Variants in LRRC8D observed in about 807,000 individuals in gnomAD.
LRRC8D encodes volume-regulated anion channel subunit LRRC8D.
In LRRC8D, 20 loss-of-function variants were observed where a neutral mutation model predicts 55.8. That is an observed-to-expected ratio of 0.36 (90% CI 0.25 to 0.52). The LOEUF is 0.52. Ranked by LOEUF, LRRC8D falls within the 20% of genes least tolerant of loss-of-function variation. The probability of loss-of-function intolerance (pLI) is 0.93; values close to 1 mark genes in which losing one functional copy is unlikely to be tolerated. For synonymous variants in LRRC8D, 352 were observed against 377.0 expected, an observed-to-expected ratio of 0.93 and a Z score of 0.77; for missense variants, 651 against 1,030.8, an observed-to-expected ratio of 0.63 and a Z score of 5.05.
intron 1 of LRRC8D, 45 bp from the exon 2 acceptor site, chr1:89,843,593 A>AAAGAGAG: frequency 1.4e-6 from 1 of 690,224 alleles, no homozygotes. Context: ...CGCTGCCGAC[A>AAAGAGAG]CTTGGATCTC....
chr1:89,911,812 A>G lies in LRRC8D; in HGVS notation c.-2-21255A>G, dbSNP rs1406807756. Among the ~76,000 whole-genome samples the G allele has an allele frequency of 1.3e-5, 2 of 152,118 alleles. No homozygotes were observed. Among genetic ancestry groups the G allele is most frequent in the Non-Finnish European group, 1.5e-5 (1 of 68,014 alleles). On this transcript the variant is annotated intron_variant, in intron 2 of 2. Transcript: ENST00000337338. This position sits in a 1 kb window ranked among gnomAD's most constrained non-coding sequence, Gnocchi z 4.0. ...GCGTGACTTGCTTTTGACACCTGCA[A>G]TGCTGCTTACCACTCTCTTCCTGAA...
intron 1 of LRRC8D, among the ~76,000 whole-genome samples, chr1:89,829,896 A>G (rs758131472): frequency 2.6e-5 from 4 of 152,232 alleles, no homozygotes; most frequent in Non-Finnish European, 5.9e-5. Flanking sequence ...TGTAAAGTAC[A>G]TCTTAAGCAC....
intron 2 of LRRC8D, among the ~76,000 whole-genome samples, chr1:89,913,811 C>G (rs1407626572): frequency 5.7e-4 from 86 of 152,186 alleles, no homozygotes; most frequent in Non-Finnish European, 1.5e-5. Flanking sequence ...TAATTTGGGT[C>G]AATTTCCTGG....
In LRRC8D at chr1:89,934,633, A is replaced by T. The variant is rs1663790772; in HGVS notation, c.1565A>T (p.His522Leu). The change falls in exon 3 of 3, where the codon CAC becomes CTC. Residue 522 changes from histidine (H) to leucine (L), a missense_variant. Coordinates refer to ENST00000337338, the MANE Select transcript of LRRC8D (RefSeq NM_001134479.2). The surrounding 1 kb of genome is among the most constrained non-coding windows in gnomAD (Gnocchi z 5.9). Reference protein sequence around the residue: ...MTNLQELHLCHCPAKVEQTAF... With the variant: ...MTNLQELHLCLCPAKVEQTAF... ...AACCTCCAAGAGCTCCACCTCTGCC[A>T]CTGCCCTGCAAAAGTTGAACAGACT... 6.2e-7 allele frequency: 1 copy of T among 1,614,192 alleles called. No homozygotes were observed. The highest frequency in any genetic ancestry group is 1.7e-5 in the Admixed American group (1 of 60,024).
At chr1:89,895,547 T>TG (rs1662685722) in intron 2 of LRRC8D, among the ~76,000 whole-genome samples, 1 of 128,052 alleles carries the variant, frequency 7.8e-6, no homozygotes, top group South Asian at 2.4e-4. Flanking sequence ...TTTAAAGATG[T>TG]ACTGTTTGTT....
At position 89,934,925 on chromosome 1, in the gene LRRC8D, T is replaced by C. The variant is rs1469432480; in HGVS notation, c.1857T>C (p.His619=). ...CACATCTTACAAAGTTAGTCATTCATAATGACGGCACTAAACTCTTGGTAC... is the reference window on the plus strand; with the variant it reads ...CACATCTTACAAAGTTAGTCATTCACAATGACGGCACTAAACTCTTGGTAC... ...VAPHLTKLVI[H]NDGTKLLVLN... is the part of the protein sequence containing the mutation. The change falls in exon 3 of 3, where the codon CAT becomes CAC. Residue 619 remains histidine, a synonymous_variant. Transcript: ENST00000337338. The surrounding 1 kb of genome is among the most constrained non-coding windows in gnomAD (Gnocchi z 5.9). 8 of 1,614,004 alleles carry C rather than the reference T, an allele frequency of 5.0e-6. No homozygotes were observed. Among genetic ancestry groups the C allele is most frequent in the Non-Finnish European group, 6.8e-6 (8 of 1,180,028 alleles).
At chr1:89,904,757 A>G (rs1021810354) in intron 2 of LRRC8D, among the ~76,000 whole-genome samples, 4 of 152,214 alleles carry the variant, frequency 2.6e-5, no homozygotes, top group African/African-American at 4.8e-5. Flanking sequence ...TGCCACTACT[A>G]TTAATTAGCT....
chr1:89,886,051 A>T (rs1662410852), intron 2 of LRRC8D, among the ~76,000 whole-genome samples: 1 of 152,194 alleles, frequency 6.6e-6, no homozygotes, highest in African/African-American at 2.4e-5. Flanking sequence ...AGAAAAGTTA[A>T]GGGGTGAGAG....
At chr1:89,878,120 C>G (rs1308549000) in intron 2 of LRRC8D, among the ~76,000 whole-genome samples, 5 of 152,176 alleles carry the variant, frequency 3.3e-5, no homozygotes, top group African/African-American at 7.2e-5. Context: ...CTTTCATCTT[C>G]AGTATTTTTT....
intron 2 of LRRC8D, among the ~76,000 whole-genome samples, chr1:89,896,107 A>G (rs1025863539): frequency 3.3e-5 from 5 of 152,262 alleles, no homozygotes; most frequent in African/African-American, 4.8e-5. Flanking sequence ...CCCAAAATCT[A>G]TGGCTTAAGT....
intron 2 of LRRC8D, among the ~76,000 whole-genome samples, chr1:89,923,868 C>CT (rs1173284950): frequency 1.3e-5 from 2 of 152,152 alleles, no homozygotes; most frequent in Non-Finnish European, 2.9e-5. Flanking sequence ...GAATAACTGG[C>CT]TAGCCTTATG....
intron 2 of LRRC8D, among the ~76,000 whole-genome samples, chr1:89,908,135 C>G (rs1663042427): frequency 6.6e-6 from 1 of 152,112 alleles, no homozygotes; most frequent in South Asian, 2.1e-4. Flanking sequence ...TCATTACCAC[C>G]CACCCAACTG....
rs769292877 is a variant in LRRC8D at position 89,843,631 on chromosome 1, C to G, written c.-147-7C>G. 1.4e-6 allele frequency: 1 copy of G among 701,772 alleles called. No homozygotes were observed. Among genetic ancestry groups the G allele is most frequent in the East Asian group, 2.7e-5 (1 of 37,230 alleles). 43.5% of individuals were successfully genotyped at this position (701,772 alleles called of 1,614,324 possible). ...TAGCTCTTTCTCTCCCCTGTGTTTT[C>G]AAACAGGAAGTGCACGGCTGTCTAT... On this transcript the variant is annotated splice_region_variant and splice_polypyrimidine_tract_variant and intron_variant, in intron 1 of 2. Transcript: ENST00000337338.
At chr1:89,854,717 C>T (rs1390899630) in intron 2 of LRRC8D, among the ~76,000 whole-genome samples, 9 of 152,200 alleles carry the variant, frequency 5.9e-5, no homozygotes, top group Non-Finnish European at 1.3e-4. Flanking sequence ...AGCAGCTAGA[C>T]TCCCATCACT....
intron 2 of LRRC8D, among the ~76,000 whole-genome samples, chr1:89,862,213 T>G (rs1299490888): frequency 6.6e-6 from 1 of 152,176 alleles, no homozygotes; most frequent in Non-Finnish European, 1.5e-5. Flanking sequence ...ACTTTTTCCT[T>G]GAAACATAAC....
intron 2 of LRRC8D, among the ~76,000 whole-genome samples, chr1:89,861,274 A>G (rs1661715353): frequency 1.3e-5 from 2 of 152,248 alleles, no homozygotes; most frequent in Admixed American, 1.3e-4. Context: ...AGCTAAATTC[A>G]CTAAGCCTCA....
chr1:89,873,558 T>C (rs74611405), intron 2 of LRRC8D, among the ~76,000 whole-genome samples: 1,721 of 152,298 alleles, frequency 0.011, 36 homozygotes, highest in African/African-American at 0.04. Flanking sequence ...ATTGATAGGT[T>C]CCAGATAAAC....
At chr1:89,824,596 G>C (rs769500108) in intron 1 of LRRC8D, among the ~76,000 whole-genome samples, 2 of 152,114 alleles carry the variant, frequency 1.3e-5, no homozygotes, top group Non-Finnish European at 2.9e-5. Context: ...CTGTCTCCTT[G>C]AATTTTTTTT....
intron 2 of LRRC8D, among the ~76,000 whole-genome samples, chr1:89,919,146 A>G (rs1334669141): frequency 6.6e-6 from 1 of 152,192 alleles, no homozygotes; most frequent in Non-Finnish European, 1.5e-5. Context: ...CTCCTAATAA[A>G]CTACCAAGTA....
Sources: gnomAD v4.1 joint callset for allele counts (sites outside exome capture counted in the v4.1 genomes callset) on GRCh38, gnomAD v4.1.1 for gene constraint, Gnocchi (gnomAD v3.1) non-coding constraint, MANE v1.5 for transcripts, NCBI Gene and HGNC (gene_info 2026-07-23, HGNC 2026-07-21) for gene names.